Variants in AKR1C8 observed in about 807,000 individuals in gnomAD.
AKR1C8 encodes aldo-keto reductase family 1 member C8.
chr10:5,116,812 C>A, the AKR1C8 span, among the ~76,000 whole-genome samples: 1 of 152,144 alleles, frequency 6.6e-6, no homozygotes, highest in South Asian at 2.1e-4. Context: ...GTGGCCCCTG[C>A]GTATCATGCA....
the AKR1C8 span, among the ~76,000 whole-genome samples, chr10:5,168,649 A>G: frequency 6.6e-6 from 1 of 152,278 alleles, no homozygotes; most frequent in Admixed American, 6.5e-5. Context: ...ACTACTGAGA[A>G]ACAGAGAGCT....
the AKR1C8 span, among the ~76,000 whole-genome samples, chr10:5,139,843 A>C: frequency 6.4e-4 from 97 of 152,318 alleles, 1 homozygote; most frequent in South Asian, 0.019. Flanking sequence ...AGGAACTACC[A>C]TCAGAGTGAA....
chr10:5,122,237 T>C, the AKR1C8 span: 1 of 284,240 alleles, frequency 3.5e-6, no homozygotes, highest in Admixed American at 4.6e-5. Flanking sequence ...TCCAAGGACT[T>C]TGCAAGGGGC....
chr10:5,178,689 G>A, the AKR1C8 span, among the ~76,000 whole-genome samples: 2 of 152,152 alleles, frequency 1.3e-5, no homozygotes, highest in African/African-American at 4.8e-5. Flanking sequence ...ATATATTTAG[G>A]ATAGTTAGGT....
chr10:5,168,196 G>A, the AKR1C8 span, among the ~76,000 whole-genome samples: 1 of 151,790 alleles, frequency 6.6e-6, no homozygotes, highest in African/African-American at 2.4e-5. Context: ...AAGCTTCTTT[G>A]CCCTGAAAAA....
At chr10:5,143,023 C>T in the AKR1C8 span, among the ~76,000 whole-genome samples, 15 of 151,906 alleles carry the variant, frequency 9.9e-5, no homozygotes, top group Non-Finnish European at 1.2e-4. Flanking sequence ...CAAGTGTAAC[C>T]GTTAATTTTA....
chr10:5,175,620 C>T, the AKR1C8 span, among the ~76,000 whole-genome samples: 1 of 152,232 alleles, frequency 6.6e-6, no homozygotes, highest in Admixed American at 6.5e-5. Flanking sequence ...TATTTCTCCA[C>T]ATCCTCTCCA....
chr10:5,160,280 T>C, the AKR1C8 span, among the ~76,000 whole-genome samples: 1 of 152,094 alleles, frequency 6.6e-6, no homozygotes, highest in South Asian at 2.1e-4. Flanking sequence ...GCTTGAGATA[T>C]GCAATAGTTC....
chr10:5,119,802 C>A, the AKR1C8 span, among the ~76,000 whole-genome samples: 6 of 152,156 alleles, frequency 3.9e-5, no homozygotes, highest in Non-Finnish European at 8.8e-5. Context: ...TGATTAGCAG[C>A]ATTGAAATAG....
chr10:5,116,841 T>C, the AKR1C8 span, among the ~76,000 whole-genome samples: 1 of 152,190 alleles, frequency 6.6e-6, no homozygotes, highest in Non-Finnish European at 1.5e-5. Flanking sequence ...TGTGAATGAC[T>C]TACAAAATAC....
At chr10:5,160,837 G>A in the AKR1C8 span, 2 of 471,100 alleles carry the variant, frequency 4.2e-6, no homozygotes, top group Non-Finnish European at 8.8e-6. Flanking sequence ...AAGCTCCACA[G>A]TTTCTAAAAT....
At chr10:5,160,940 T>G in the AKR1C8 span, 1 of 468,836 alleles carries the variant, frequency 2.1e-6, no homozygotes, top group East Asian at 7.0e-5. Context: ...GGAATTCTCC[T>G]TTCTGGTGCC....
At chr10:5,164,848 C>T in the AKR1C8 span, among the ~76,000 whole-genome samples, 2 of 152,184 alleles carry the variant, frequency 1.3e-5, no homozygotes, top group Non-Finnish European at 2.9e-5. Flanking sequence ...TCCCAACAGC[C>T]TGTCAGGGCT....
chr10:5,134,810 C>G, the AKR1C8 span, among the ~76,000 whole-genome samples: 1 of 152,158 alleles, frequency 6.6e-6, no homozygotes, highest in South Asian at 2.1e-4. Context: ...AGAAACCATT[C>G]CACTGCAGTC....
the AKR1C8 span, among the ~76,000 whole-genome samples, chr10:5,128,065 A>G: frequency 1.3e-5 from 2 of 152,214 alleles, no homozygotes; most frequent in African/African-American, 4.8e-5. Flanking sequence ...AGAATCTATC[A>G]GACTAACAGG....
chr10:5,184,244 C>T, the AKR1C8 span, among the ~76,000 whole-genome samples: 1 of 152,152 alleles, frequency 6.6e-6, no homozygotes, highest in East Asian at 1.9e-4. Context: ...GTTAACAATC[C>T]ATCCAGGCCC....
At chr10:5,140,431 A>G in the AKR1C8 span, among the ~76,000 whole-genome samples, 1 of 152,176 alleles carries the variant, frequency 6.6e-6, no homozygotes, top group Non-Finnish European at 1.5e-5. Flanking sequence ...GATTAAGAAA[A>G]TGTGGCACAT....
chr10:5,184,793 T>C, the AKR1C8 span, among the ~76,000 whole-genome samples: 1 of 152,186 alleles, frequency 6.6e-6, no homozygotes, highest in Non-Finnish European at 1.5e-5. Context: ...CCCACAAAAT[T>C]ATCAATCTCA....
the AKR1C8 span, among the ~76,000 whole-genome samples, chr10:5,184,192 T>C: frequency 6.6e-6 from 1 of 152,186 alleles, no homozygotes; most frequent in Admixed American, 6.6e-5. Context: ...CAACAAATTC[T>C]TTTCTTTCCC....
Sources: gnomAD v4.1 joint callset for allele counts (sites outside exome capture counted in the v4.1 genomes callset) on GRCh38, gnomAD v4.1.1 for gene constraint, MANE v1.5 for transcripts, NCBI Gene and HGNC (gene_info 2026-07-23, HGNC 2026-07-21) for gene names.